The following ENOX2 variants were observed in gnomAD, a reference collection of about 807,000 sequenced individuals.
ENOX2 encodes the protein APK1 antigen.
A neutral mutation model predicts 45.0 loss-of-function variants in ENOX2; 36 were observed. That is an observed-to-expected ratio of 0.80 (90% CI 0.61 to 1.06). ENOX2 has a LOEUF of 1.06. Ranked by LOEUF, ENOX2 falls within the 50% of genes least tolerant of loss-of-function variation. ENOX2 has a pLI of 0.00. For missense variants in ENOX2, 423 were observed against 462.5 expected (o/e 0.91, Z 0.78); for synonymous variants, 174 against 152.3 (o/e 1.14, Z -1.05).
intron 2 of ENOX2, among the ~76,000 whole-genome samples, chrX:130,831,996 C>T (rs1351242089): frequency 1.8e-5 from 2 of 110,631 alleles, no homozygotes; most frequent in Admixed American, 9.7e-5. Context: ...AATCTGGTTG[C>T]TTTCATGATC....
At chrX:130,811,899 C>G (rs1007052810) in intron 2 of ENOX2, among the ~76,000 whole-genome samples, 4 of 111,613 alleles carry the variant, frequency 3.6e-5, no homozygotes, top group African/African-American at 9.8e-5. Flanking sequence ...CAAACAAATT[C>G]TGGAGCTGAA....
chrX:130,625,922 T>TCACACA (rs759800646), intron 14 of ENOX2, among the ~76,000 whole-genome samples: 3 of 104,238 alleles, frequency 2.9e-5, no homozygotes, highest in South Asian at 4.2e-4. Flanking sequence ...TCTCTCTCTT[T>TCACACA]CACACACACA....
intron 6 of ENOX2, among the ~76,000 whole-genome samples, chrX:130,676,209 A>G (rs889830833): frequency 1.8e-5 from 2 of 112,033 alleles, no homozygotes; most frequent in African/African-American, 6.5e-5. Flanking sequence ...AGATGCTACA[A>G]TGCTATGGGG....
At chrX:130,776,353 C>G in intron 3 of ENOX2, among the ~76,000 whole-genome samples, 1 of 110,956 alleles carries the variant, frequency 9.0e-6, no homozygotes, top group Non-Finnish European at 1.9e-5. Context: ...AATTATAATC[C>G]CCAATGTTGG....
chrX:130,706,712 C>G (rs959450045), intron 3 of ENOX2, among the ~76,000 whole-genome samples: 1 of 111,815 alleles, frequency 8.9e-6, no homozygotes, highest in Non-Finnish European at 1.9e-5. Context: ...AATAAGCAGT[C>G]TATACAATGA....
intron 2 of ENOX2, among the ~76,000 whole-genome samples, chrX:130,792,508 G>A (rs909210443): frequency 2.7e-5 from 3 of 112,564 alleles, no homozygotes; most frequent in Non-Finnish European, 5.6e-5. Context: ...AAAATGAAAA[G>A]TTCAGGCCGG....
At chrX:130,758,366 C>T (rs2039401290) in intron 3 of ENOX2, among the ~76,000 whole-genome samples, 1 of 112,311 alleles carries the variant, frequency 8.9e-6, no homozygotes, top group Non-Finnish European at 1.9e-5. Flanking sequence ...TAAATGGAAT[C>T]ATACAGCATG....
intron 2 of ENOX2, among the ~76,000 whole-genome samples, chrX:130,879,617 G>C (rs2078770264): frequency 1.8e-5 from 2 of 111,780 alleles, no homozygotes; most frequent in Non-Finnish European, 3.8e-5. Context: ...CAAGTTAGTG[G>C]TATATATAGT....
intron 9 of ENOX2, among the ~76,000 whole-genome samples, chrX:130,661,107 TATTC>T (rs1342004084): frequency 4.5e-5 from 5 of 112,183 alleles, no homozygotes; most frequent in African/African-American, 1.6e-4. Flanking sequence ...AAATTAATCT[TATTC>T]ATGTTTTATG....
chrX:130,690,604 C>T (rs2148185471), intron 4 of ENOX2, among the ~76,000 whole-genome samples: 1 of 112,106 alleles, frequency 8.9e-6, no homozygotes, highest in South Asian at 3.8e-4. Flanking sequence ...AGGACTTACT[C>T]CCAAAGACTT....
intron 3 of ENOX2, among the ~76,000 whole-genome samples, chrX:130,782,044 G>A (rs759231537): frequency 3.6e-5 from 4 of 110,804 alleles, no homozygotes; most frequent in African/African-American, 6.6e-5. Flanking sequence ...CTGGAATTAC[G>A]CCCCTAAATG....
At chrX:130,761,084 A>G (rs2039480474) in intron 3 of ENOX2, among the ~76,000 whole-genome samples, 1 of 110,997 alleles carries the variant, frequency 9.0e-6, no homozygotes, top group African/African-American at 3.3e-5. Context: ...TAGTTTGTTA[A>G]GGATTTTTAC....
intron 6 of ENOX2, among the ~76,000 whole-genome samples, chrX:130,676,662 G>A (rs1425360747): frequency 9.0e-6 from 1 of 111,147 alleles, no homozygotes; most frequent in East Asian, 2.8e-4. Flanking sequence ...AAGTGCTGCC[G>A]AATTTTTGGT....
chrX:130,857,645 C>T (rs1026866826), intron 2 of ENOX2, among the ~76,000 whole-genome samples: 1 of 111,438 alleles, frequency 9.0e-6, no homozygotes, highest in African/African-American at 3.3e-5. Context: ...CCCACATACA[C>T]ACAAATAATA....
intron 2 of ENOX2, among the ~76,000 whole-genome samples, chrX:130,863,867 G>A (rs1280875606): frequency 9.0e-6 from 1 of 110,630 alleles, no homozygotes; most frequent in African/African-American, 3.3e-5. Flanking sequence ...CATATATAGG[G>A]GCTACATTTA....
At chrX:130,852,786 A>T (rs988324105) in intron 2 of ENOX2, among the ~76,000 whole-genome samples, 8 of 111,534 alleles carry the variant, frequency 7.2e-5, no homozygotes, top group Non-Finnish European at 1.9e-5. Flanking sequence ...AAAATGGCTG[A>T]GAAGGGACAT....
chrX:130,663,654 A>G (rs965372533), intron 9 of ENOX2, among the ~76,000 whole-genome samples: 3 of 111,208 alleles, frequency 2.7e-5, no homozygotes, highest in African/African-American at 9.8e-5. Flanking sequence ...GGGGCCATTC[A>G]GTCAACTTCT....
intron 2 of ENOX2, among the ~76,000 whole-genome samples, chrX:130,787,287 T>C (rs1463972969): frequency 8.9e-6 from 1 of 112,202 alleles, no homozygotes; most frequent in Non-Finnish European, 1.9e-5. Context: ...TTCCGGAGGT[T>C]TGGAGCCACA....
At chrX:130,838,778 AG>A (rs1174021193) in intron 2 of ENOX2, among the ~76,000 whole-genome samples, 1 of 112,059 alleles carries the variant, frequency 8.9e-6, no homozygotes, top group Non-Finnish European at 1.9e-5. Context: ...TGGTCAAGGT[AG>A]GGGTCACATA....
Sources: gnomAD v4.1 joint callset for allele counts (sites outside exome capture counted in the v4.1 genomes callset) on GRCh38, gnomAD v4.1.1 for gene constraint, MANE v1.5 for transcripts, NCBI Gene and HGNC (gene_info 2026-07-23, HGNC 2026-07-21) for gene names.